Variants in KHDRBS3 observed in about 807,000 individuals in gnomAD.
The protein encoded by KHDRBS3 is KH RNA binding domain containing, signal transduction associated 3, also known as KH domain-containing, RNA-binding, signal transduction-associated protein 3.
KHDRBS3 carries 23 observed loss-of-function variants against 45.6 expected under a neutral mutation model. That is an observed-to-expected ratio of 0.50 (90% confidence interval 0.36 to 0.72). The LOEUF (loss-of-function observed/expected upper bound fraction) is 0.72, where lower values mean the gene tolerates loss of function less well. Ranked by LOEUF, KHDRBS3 falls within the 30% of genes least tolerant of loss-of-function variation. The pLI is 0.00. For synonymous variants in KHDRBS3, 162 were observed against 156.5 expected (o/e 1.04, Z -0.26); for missense variants, 352 against 424.8 (o/e 0.83, Z 1.51).
At chr8:135,487,685 G>A (rs544095246) in intron 1 of KHDRBS3, among the ~76,000 whole-genome samples, 1 of 152,298 alleles carries the variant, frequency 6.6e-6, no homozygotes, top group South Asian at 2.1e-4. Flanking sequence ...AAGGGAGACA[G>A]GATAATAGCA....
At chr8:135,507,437 A>T (rs1292556150) in intron 1 of KHDRBS3, among the ~76,000 whole-genome samples, 1 of 152,196 alleles carries the variant, frequency 6.6e-6, no homozygotes, top group Non-Finnish European at 1.5e-5. Context: ...TTTTCAGTAG[A>T]TTTGGCAAGT....
intron 6 of KHDRBS3, among the ~76,000 whole-genome samples, chr8:135,584,641 A>G (rs939374698): frequency 2.6e-5 from 4 of 152,228 alleles, no homozygotes; most frequent in South Asian, 2.1e-4. Context: ...TTCACTGTAT[A>G]TAACAAACTT....
chr8:135,615,218 G>C lies in KHDRBS3; in HGVS notation c.890+8181G>C, dbSNP rs114439557. Among the ~76,000 whole-genome samples the C allele has an allele frequency of 4.6e-4, 70 of 151,890 alleles. 2 individuals are homozygous for C. The highest frequency in any genetic ancestry group is 1.7e-3 in the African/African-American group (68 of 41,198). ...GATGGGCCTAGGAGAAGGATCAGGA[G>C]GCTGACTAAAGTTTAGCCAAGCAGA... On this transcript the variant is annotated intron_variant, in intron 7 of 8. Transcript: ENST00000355849.
chr8:135,537,086 T>G lies in KHDRBS3; in HGVS notation c.208-5568T>G, dbSNP rs79251073. 1.6e-4 allele frequency among the ~76,000 whole-genome samples: 24 copies of G among 150,494 alleles called. No homozygotes were observed. The East Asian group carries it at 4.1e-3, about 26-fold the overall frequency. On this transcript the variant is annotated intron_variant, in intron 2 of 8. Coordinates refer to ENST00000355849, the MANE Select transcript of KHDRBS3 (RefSeq NM_006558.3). ...GCCCTCTCTATTCATGTTGGAGAGA[T>G]AAAGCAGTGAACACACAGGCCTAGT...
At chr8:135,629,687 A>C (rs183621113) in intron 7 of KHDRBS3, among the ~76,000 whole-genome samples, 3 of 152,360 alleles carry the variant, frequency 2.0e-5, no homozygotes, top group Admixed American at 2.0e-4. Context: ...GCAGCCAGTG[A>C]AATACCTAGA....
chr8:135,600,425 A>T (rs1164534392), intron 6 of KHDRBS3, among the ~76,000 whole-genome samples: 1 of 152,156 alleles, frequency 6.6e-6, no homozygotes, highest in Non-Finnish European at 1.5e-5. Context: ...GGAAGCGGGG[A>T]TGGGTGTGAG....
At chr8:135,576,518 A>G (rs1827952398) in intron 5 of KHDRBS3, among the ~76,000 whole-genome samples, 1 of 151,884 alleles carries the variant, frequency 6.6e-6, no homozygotes, top group Admixed American at 6.6e-5. Flanking sequence ...GGCCATTGGG[A>G]GTTCTTTCAG....
intron 4 of KHDRBS3, 129 bp from the exon 5 acceptor site, chr8:135,557,319 G>T: frequency 2.2e-6 from 1 of 458,326 alleles, no homozygotes; most frequent in Non-Finnish European, 3.7e-6. Context: ...TAGCAAATTT[G>T]TATTTTGTTT....
At chr8:135,482,006 A>G (rs569752865) in intron 1 of KHDRBS3, among the ~76,000 whole-genome samples, 1 of 152,268 alleles carries the variant, frequency 6.6e-6, no homozygotes, top group South Asian at 2.1e-4. Flanking sequence ...TGCCTTTCAA[A>G]TAGAATTTGT....
rs1825733046 is a variant in KHDRBS3 at position 135,536,108 on chromosome 8, T to C, written c.208-6546T>C. On this transcript the variant is annotated intron_variant, in intron 2 of 8. Transcript: ENST00000355849. ...TGGTTTCCAGGGCTCCATACTCTCA[T>C]GCTAGCCCACCCCAGATGAGCAAAT... 1.3e-5 allele frequency among the ~76,000 whole-genome samples: 2 copies of C among 152,126 alleles called. 1 individual carries two copies. Among genetic ancestry groups the C allele is most frequent in the South Asian group, 4.1e-4 (2 of 4,824 alleles).
At chr8:135,545,572 G>C (rs1032478125) in intron 3 of KHDRBS3, among the ~76,000 whole-genome samples, 5 of 152,144 alleles carry the variant, frequency 3.3e-5, no homozygotes, top group African/African-American at 7.2e-5. Context: ...GCACCTGTTT[G>C]TTGGCCCTGT....
rs150314641 is a variant in KHDRBS3, at chr8:135,499,081, GA to G, written c.89-22155del. Among the ~76,000 whole-genome samples the G allele has an allele frequency of 8.5e-5, 13 of 152,322 alleles. No individual in the cohort carries two copies. In the East Asian group the frequency reaches 2.5e-3, roughly 29 times the overall value. The stretch of plus-strand genomic sequence containing the variant: ...TGCCTATTCTAGTGGGCAGGCACCT[GA>G]TTATACAGGTAAAAGAGGTGGAACA... On this transcript the variant is annotated intron_variant, in intron 1 of 8. Transcript: ENST00000355849.
At chr8:135,544,184 C>A (rs550399975) in intron 3 of KHDRBS3, among the ~76,000 whole-genome samples, 5 of 152,182 alleles carry the variant, frequency 3.3e-5, no homozygotes, top group South Asian at 4.2e-4. Context: ...AGCAGTGAAA[C>A]CCACAAGCAG....
intron 5 of KHDRBS3, among the ~76,000 whole-genome samples, chr8:135,567,081 T>C (rs1827459330): frequency 6.6e-6 from 1 of 152,172 alleles, no homozygotes; most frequent in Non-Finnish European, 1.5e-5. Flanking sequence ...TTAACGCCCT[T>C]GGACACATCT....
chr8:135,497,194 G>A (rs774288691), intron 1 of KHDRBS3, among the ~76,000 whole-genome samples: 1 of 152,188 alleles, frequency 6.6e-6, no homozygotes, highest in Non-Finnish European at 1.5e-5. Context: ...AGCCCTTAGA[G>A]CCCATTGGTA....
chr8:135,642,591 A>C (rs1586851417), intron 7 of KHDRBS3, among the ~76,000 whole-genome samples: 1 of 152,180 alleles, frequency 6.6e-6, no homozygotes, highest in Non-Finnish European at 1.5e-5. Flanking sequence ...AGTAGTGACT[A>C]TTCTGTAATG....
At chr8:135,553,964 A>G (rs1028370057) in intron 4 of KHDRBS3, among the ~76,000 whole-genome samples, 2 of 152,302 alleles carry the variant, frequency 1.3e-5, no homozygotes, top group Admixed American at 1.3e-4. Context: ...TACTAATTTA[A>G]AAGCATTTTT....
chr8:135,579,146 G>A (rs1828084762), intron 5 of KHDRBS3, among the ~76,000 whole-genome samples: 1 of 152,066 alleles, frequency 6.6e-6, no homozygotes, highest in South Asian at 2.1e-4. Flanking sequence ...TGTGAACAAA[G>A]GAAGTTTTAC....
At chr8:135,485,000 G>A (rs529048796) in intron 1 of KHDRBS3, among the ~76,000 whole-genome samples, 29 of 152,264 alleles carry the variant, frequency 1.9e-4, no homozygotes, top group African/African-American at 6.0e-4. Context: ...CATCAGAAAC[G>A]CAGTTGACCA....
Sources: allele counts gnomAD v4.1 joint callset (sites outside exome capture counted in the v4.1 genomes callset), GRCh38; gene constraint gnomAD v4.1.1; transcripts MANE v1.5; gene names NCBI Gene and HGNC (gene_info 2026-07-23, HGNC 2026-07-21).